OR1J2: variants seen among roughly 807,000 people sequenced by gnomAD.
The protein encoded by OR1J2 is olfactory receptor 1J2.
For missense variants in OR1J2, 304 were observed against 246.1 expected, an observed-to-expected ratio of 1.24 and a Z score of -1.57; for synonymous variants, 142 against 99.7, an observed-to-expected ratio of 1.42 and a Z score of -2.52.
At chr9:122,499,453 G>T in the OR1J2 span, among the ~76,000 whole-genome samples, 1 of 152,094 alleles carries the variant, frequency 6.6e-6, no homozygotes, top group South Asian at 2.1e-4. Context: ...CAGGTGCTTT[G>T]AATGCCTGGA....
At chr9:122,544,040 T>A in the OR1J2 span, among the ~76,000 whole-genome samples, 2 of 152,240 alleles carry the variant, frequency 1.3e-5, no homozygotes, top group Admixed American at 6.5e-5. Context: ...CCTTTTTGTT[T>A]ACTGTCTGTA....
chr9:122,538,225 C>T, the OR1J2 span, among the ~76,000 whole-genome samples: 4 of 141,938 alleles, frequency 2.8e-5, no homozygotes, highest in Non-Finnish European at 6.1e-5. Context: ...TGAAATAATT[C>T]AACCGAGGAC....
the OR1J2 span, among the ~76,000 whole-genome samples, chr9:122,547,199 G>A: frequency 2.0e-5 from 3 of 151,978 alleles, no homozygotes; most frequent in Non-Finnish European, 2.9e-5. Flanking sequence ...ACTTTACTTT[G>A]TTTTATTGTC....
the OR1J2 span, among the ~76,000 whole-genome samples, chr9:122,544,204 T>A: frequency 6.6e-6 from 1 of 151,840 alleles, no homozygotes. Flanking sequence ...TAATTTTTTT[T>A]AAATGATGAG....
chr9:122,463,879 A>G, the OR1J2 span, among the ~76,000 whole-genome samples: 1 of 152,134 alleles, frequency 6.6e-6, no homozygotes, highest in African/African-American at 2.4e-5. Context: ...ATTTTTGTTA[A>G]GTGTGCTGGT....
At chr9:122,541,763 A>G in the OR1J2 span, among the ~76,000 whole-genome samples, 1 of 152,250 alleles carries the variant, frequency 6.6e-6, no homozygotes, top group Non-Finnish European at 1.5e-5. Flanking sequence ...CTTCCCAGCC[A>G]GATCACCCTG....
the OR1J2 span, among the ~76,000 whole-genome samples, chr9:122,469,586 C>T: frequency 6.6e-6 from 1 of 152,042 alleles, no homozygotes; most frequent in Admixed American, 6.6e-5. Flanking sequence ...GAAAAGATAC[C>T]CGAAAATGTG....
At chr9:122,456,761 AC>A in the OR1J2 span, among the ~76,000 whole-genome samples, 12 of 152,220 alleles carry the variant, frequency 7.9e-5, no homozygotes. Context: ...GGAACACTTT[AC>A]ATTGTTGCTG....
the OR1J2 span, among the ~76,000 whole-genome samples, chr9:122,531,890 T>C: frequency 1.2e-3 from 180 of 152,276 alleles, no homozygotes; most frequent in Middle Eastern, 3.4e-3. Context: ...GGCCTCTACC[T>C]ATCCAGTGAA....
the OR1J2 span, among the ~76,000 whole-genome samples, chr9:122,538,174 T>C: frequency 7.6e-6 from 1 of 131,462 alleles, no homozygotes; most frequent in Non-Finnish European, 1.6e-5. Flanking sequence ...CCCTGCCTGG[T>C]ACAAGTTCCC....
At chr9:122,552,016 TTTGGAAGGGGTAGG>T in the OR1J2 span, among the ~76,000 whole-genome samples, 1 of 94,608 alleles carries the variant, frequency 1.1e-5, no homozygotes, top group African/African-American at 3.7e-5. Context: ...CAGGTGAGGA[TTTGGAAGGGGTAGG>T]ACACATACAC....
At chr9:122,496,148 G>A in the OR1J2 span, among the ~76,000 whole-genome samples, 1 of 152,142 alleles carries the variant, frequency 6.6e-6, no homozygotes, top group East Asian at 1.9e-4. Context: ...TTAGTGTGTT[G>A]GTTTTGTGTT....
chr9:122,532,786 A>G, the OR1J2 span, among the ~76,000 whole-genome samples: 2 of 152,204 alleles, frequency 1.3e-5, no homozygotes, highest in Non-Finnish European at 2.9e-5. Context: ...CAGAAAGGCT[A>G]CAGGGTGCGG....
the OR1J2 span, among the ~76,000 whole-genome samples, chr9:122,466,903 C>T: frequency 6.6e-6 from 1 of 152,140 alleles, no homozygotes. Context: ...ACAGCAACCT[C>T]TGCCTCCTGG....
chr9:122,493,139 C>T, the OR1J2 span, among the ~76,000 whole-genome samples: 1 of 152,074 alleles, frequency 6.6e-6, no homozygotes, highest in African/African-American at 2.4e-5. Context: ...CATCTATGTT[C>T]ATCAGGGATA....
At chr9:122,455,070 G>A in the OR1J2 span, among the ~76,000 whole-genome samples, 1 of 152,190 alleles carries the variant, frequency 6.6e-6, no homozygotes, top group Non-Finnish European at 1.5e-5. Context: ...TTATGGCTGA[G>A]TAATATTTCA....
At chr9:122,504,199 A>G in the OR1J2 span, among the ~76,000 whole-genome samples, 479 of 152,328 alleles carry the variant, frequency 3.1e-3, 3 homozygotes, top group Admixed American at 6.9e-3. Context: ...TGGATGTCGC[A>G]TGGTTAGGCA....
the OR1J2 span, among the ~76,000 whole-genome samples, chr9:122,536,741 A>G: frequency 3.3e-5 from 5 of 152,176 alleles, no homozygotes; most frequent in African/African-American, 1.2e-4. Flanking sequence ...TGTGATCAAG[A>G]AAGATTAGAT....
the OR1J2 span, among the ~76,000 whole-genome samples, chr9:122,517,411 A>G: frequency 2.6e-5 from 4 of 152,178 alleles, no homozygotes; most frequent in Non-Finnish European, 4.4e-5. Context: ...TAAGTTTCAA[A>G]GGAAGGATGG....
Sources: allele counts gnomAD v4.1 joint callset (sites outside exome capture counted in the v4.1 genomes callset), GRCh38; gene constraint gnomAD v4.1.1; transcripts MANE v1.5; gene names NCBI Gene and HGNC (gene_info 2026-07-23, HGNC 2026-07-21).